The following TLE1 variants were observed in gnomAD, a reference collection of about 807,000 sequenced individuals.
TLE1 encodes TLE family member 1, transcriptional corepressor.
A neutral mutation model predicts 89.8 loss-of-function variants in TLE1; 21 were observed. The ratio of observed to expected loss-of-function variants is 0.23; its 90% confidence interval spans 0.17 to 0.34. The LOEUF (loss-of-function observed/expected upper bound fraction) is 0.34. Among genes scored for constraint, TLE1 ranks in the 10% least tolerant of loss-of-function variants. TLE1 has a pLI of 1.00. For missense variants in TLE1, 795 were observed against 1,031.2 expected (o/e 0.77, Z 3.14); for synonymous variants, 447 against 407.6 (o/e 1.10, Z -1.16).
At chr9:81,648,271 CA>C (rs56842573) in intron 6 of TLE1, among the ~76,000 whole-genome samples, 242 of 122,410 alleles carry the variant, frequency 2.0e-3, no homozygotes, top group African/African-American at 5.9e-3. Flanking sequence ...ACACTGTCTC[CA>C]AAAAAAAAAA....
intron 6 of TLE1, among the ~76,000 whole-genome samples, chr9:81,636,422 G>A (rs1211098824): frequency 1.6e-5 from 2 of 126,744 alleles, no homozygotes; most frequent in Admixed American, 9.1e-5. Flanking sequence ...ATTACTTGGA[G>A]AGTAAGAGCT....
chr9:81,612,141 G>A (rs1823799155), intron 12 of TLE1, among the ~76,000 whole-genome samples, 182 bp from the exon 13 acceptor site: 1 of 152,120 alleles, frequency 6.6e-6, no homozygotes. Flanking sequence ...CAGAGCGAAT[G>A]CATCTCCAGG....
intron 14 of TLE1, among the ~76,000 whole-genome samples, chr9:81,607,304 A>G (rs1831825658): frequency 6.6e-6 from 1 of 151,334 alleles, no homozygotes; most frequent in Non-Finnish European, 1.5e-5. Flanking sequence ...AATAAGCATG[A>G]TATTACTTCT....
At position 81,681,482 on chromosome 9, in the gene TLE1, G is replaced by A. The variant is rs571652753; in HGVS notation, c.234+4194C>T. Among the ~76,000 whole-genome samples, 316 of 151,798 alleles carry A rather than the reference G, an allele frequency of 2.1e-3. 1 individual carries two copies. Among genetic ancestry groups the A allele is most frequent in the Non-Finnish European group, 3.4e-3 (234 of 67,920 alleles). On this transcript the variant is annotated intron_variant, in intron 4 of 19. Coordinates refer to ENST00000376499, the MANE Select transcript of TLE1 (RefSeq NM_005077.5). ...GGAGAATCGCTTGAACCTGGGAGGC[G>A]GAGGTTGCAGTGAGCCGAGACTGTG...
Position 81,680,161 on chromosome 9 carries a change from C to T in TLE1, c.234+5515G>A, listed in dbSNP as rs1424277529. Among the ~76,000 whole-genome samples, 3 of 152,186 alleles carry T rather than the reference C, an allele frequency of 2.0e-5. No homozygotes were observed. The East Asian group carries it at 5.8e-4, about 29-fold the overall frequency. ...CAAACAGACTTTTGTCTAGTCTAAC[C>T]CTCATTATACAGAGAGGGGAACTGA... On this transcript the variant is annotated intron_variant, in intron 4 of 19. Transcript: ENST00000376499.
intron 6 of TLE1, among the ~76,000 whole-genome samples, chr9:81,641,515 G>C (rs1210148119): frequency 6.6e-6 from 1 of 152,116 alleles, no homozygotes; most frequent in Non-Finnish European, 1.5e-5. Flanking sequence ...TAAGGAATGG[G>C]AGAAAATATT....
intron 4 of TLE1, among the ~76,000 whole-genome samples, chr9:81,658,408 T>TC (rs1269759852): frequency 1.3e-5 from 2 of 151,986 alleles, no homozygotes; most frequent in Non-Finnish European, 1.5e-5. Context: ...ATACCATATG[T>TC]CCTGGAAATT....
At chr9:81,654,447 T>C (rs1238174384) in intron 4 of TLE1, among the ~76,000 whole-genome samples, 1 of 152,134 alleles carries the variant, frequency 6.6e-6, no homozygotes, top group Non-Finnish European at 1.5e-5. Flanking sequence ...TTCACACCCT[T>C]CTCCTGCCTC....
At chr9:81,587,868 G>C in intron 16 of TLE1, 40 bp from the exon 17 acceptor site, 1 of 1,535,360 alleles carries the variant, frequency 6.5e-7, no homozygotes, top group East Asian at 2.3e-5. Context: ...TTTCCTGCCA[G>C]AGCTCAAGGT....
At chr9:81,663,946 C>T (rs1831147543) in intron 4 of TLE1, among the ~76,000 whole-genome samples, 1 of 151,974 alleles carries the variant, frequency 6.6e-6, no homozygotes, top group South Asian at 2.1e-4. Flanking sequence ...TTATAAGGGA[C>T]CTCAATTATA....
chr9:81,633,310 T>C (rs1056414423), intron 8 of TLE1, 38 bp downstream of exon 8: 24 of 1,608,400 alleles, frequency 1.5e-5, no homozygotes, highest in Non-Finnish European at 2.0e-5. Context: ...TGTGTGTGTG[T>C]GTGTGTGTGT....
chr9:81,685,812 AG>A lies in TLE1; in HGVS notation c.189+20del. 6.2e-7 allele frequency: 1 copy of A among 1,613,938 alleles called. No individual in the cohort carries two copies. The highest frequency in any genetic ancestry group is 1.7e-5 in the Admixed American group (1 of 59,986). ...GCTAATATCATATGAAAAAGGAAAA[AG>A]TCCAATCTTTGATACCTACCATCAC... On this transcript the variant is annotated intron_variant, in intron 3 of 19. Coordinates refer to ENST00000376499, the MANE Select transcript of TLE1 (RefSeq NM_005077.5).
chr9:81,664,147 G>A (rs1831170590), intron 4 of TLE1, among the ~76,000 whole-genome samples: 1 of 151,852 alleles, frequency 6.6e-6, no homozygotes, highest in African/African-American at 2.4e-5. Flanking sequence ...TAGGAGCCAG[G>A]CATGGTGGCT....
At chr9:81,668,105 C>T (rs1047923145) in intron 4 of TLE1, among the ~76,000 whole-genome samples, 2 of 151,418 alleles carry the variant, frequency 1.3e-5, no homozygotes, top group African/African-American at 2.4e-5. Context: ...ACGGAGGTCG[C>T]GATGAGCCGA....
At chr9:81,675,708 G>GTTTGT (rs1564071195) in intron 4 of TLE1, among the ~76,000 whole-genome samples, 5 of 132,452 alleles carry the variant, frequency 3.8e-5, no homozygotes, top group African/African-American at 1.5e-4. Context: ...GTTTTTTTTT[G>GTTTGT]TTTTTTTTTT....
Position 81,611,834 on chromosome 9 carries a change from T to G in TLE1, c.1189A>C (p.Met397Leu), listed in dbSNP as rs770610621. The change falls in exon 13 of 20, where the codon ATG (methionine) becomes CTG (leucine). Residue 397 changes from methionine to leucine, a missense_variant. By Grantham distance (15) the Met-to-Leu change is conservative. Around this residue, in one of 4 missense-constraint regions of TLE1, gnomAD observed 468 missense variants for 509.1 expected, o/e 0.92. Transcript: ENST00000376499. ...PGAAYASLHN[M>L]SPQMSAAAAA... is the part of the protein sequence containing the mutation. ...GCTGCGGCGCTCATCTGGGGCGACA[T>G]GTTGTGTAAACTGGCGTAGGCAGCG... The G allele has an allele frequency of 1.3e-6, 2 of 1,560,716 alleles. No individual in the cohort carries two copies. The highest frequency in any genetic ancestry group is 2.0e-5 in the Admixed American group (1 of 49,404).
chr9:81,665,436 A>G (rs1831334094), intron 4 of TLE1, among the ~76,000 whole-genome samples: 1 of 151,940 alleles, frequency 6.6e-6, no homozygotes, highest in South Asian at 2.1e-4. Context: ...GCTCTCTCCA[A>G]CTGGGCCCAG....
chr9:81,614,923 G>A (rs58263360), intron 11 of TLE1, among the ~76,000 whole-genome samples: 5,313 of 151,154 alleles, frequency 0.035, 332 homozygotes, highest in African/African-American at 0.12. Flanking sequence ...GGCCAGGTGC[G>A]GTGGCTCACA....
At position 81,689,213 on chromosome 9, in the gene TLE1, T is replaced by TTC. The variant is rs1219649475; in HGVS notation, c.-975_-974dup. ...AAGGGCGCTCCAGCCCACTGCAAAG[T>TTC]TCTCTCACCACCCGAGGGACGACAT... On this transcript the variant is annotated 5_prime_UTR_variant, in exon 1 of 20. Coordinates refer to ENST00000376499, the MANE Select transcript of TLE1 (RefSeq NM_005077.5). 1 of 152,216 alleles carries TTC rather than the reference T, an allele frequency of 6.6e-6. No homozygotes were observed. Among genetic ancestry groups the TTC allele is most frequent in the Non-Finnish European group, 1.5e-5 (1 of 68,046 alleles). 9.4% of individuals were successfully genotyped at this position (152,216 alleles called of 1,614,324 possible).
Sources: allele counts gnomAD v4.1 joint callset (sites outside exome capture counted in the v4.1 genomes callset), GRCh38; gene constraint gnomAD v4.1.1; regional missense constraint gnomAD v4.1.1; transcripts MANE v1.5; gene names NCBI Gene and HGNC (gene_info 2026-07-23, HGNC 2026-07-21).